IL1RAPL1: variants seen among roughly 807,000 people sequenced by gnomAD.
The protein encoded by IL1RAPL1 is interleukin-1 receptor accessory protein-like 1.
Under a neutral mutation model 48.4 loss-of-function variants are expected in IL1RAPL1, and 3 were observed. The ratio of observed to expected loss-of-function variants is 0.06; its 90% CI spans 0.03 to 0.16. IL1RAPL1 has a LOEUF of 0.16. Among genes scored for constraint, IL1RAPL1 ranks in the 10% least tolerant of loss-of-function variants. The pLI is 1.00. For missense variants in IL1RAPL1, 349 were observed against 530.6 expected (o/e 0.66, Z 3.36); for synonymous variants, 185 against 187.7 (o/e 0.99, Z 0.12).
chrX:29,512,914 A>G (rs180870514), intron 5 of IL1RAPL1, among the ~76,000 whole-genome samples: 5 of 111,971 alleles, frequency 4.5e-5, no homozygotes. Flanking sequence ...GAAATTCTGT[A>G]CTGTTTGTCT....
chrX:29,899,787 A>C (rs1317249390), intron 6 of IL1RAPL1, among the ~76,000 whole-genome samples: 1 of 109,648 alleles, frequency 9.1e-6, no homozygotes, highest in Non-Finnish European at 1.9e-5. Context: ...CAAGTGATCC[A>C]CCCACCTCAA....
At chrX:29,138,763 C>T (rs1909840) in intron 2 of IL1RAPL1, among the ~76,000 whole-genome samples, 19,190 of 91,145 alleles carry the variant, frequency 0.21, 1,896 homozygotes, top group African/African-American at 0.35. Flanking sequence ...GGTGACAGAG[C>T]GAGACTCCAT....
chrX:29,006,470 C>T (rs1245052340), intron 2 of IL1RAPL1, among the ~76,000 whole-genome samples: 2 of 106,219 alleles, frequency 1.9e-5, no homozygotes, highest in African/African-American at 3.5e-5. Context: ...GCTGAGATGG[C>T]GCCATTGCAC....
At chrX:29,521,160 A>G (rs974093487) in intron 5 of IL1RAPL1, among the ~76,000 whole-genome samples, 1 of 112,792 alleles carries the variant, frequency 8.9e-6, no homozygotes, top group Non-Finnish European at 1.9e-5. Context: ...TATTTCTTTC[A>G]AACCTCATCC....
chrX:28,772,617 G>C (rs917188989), intron 1 of IL1RAPL1, among the ~76,000 whole-genome samples: 5 of 111,791 alleles, frequency 4.5e-5, no homozygotes, highest in African/African-American at 1.3e-4. Context: ...GCAGCTAAAG[G>C]GAACTGGATT....
intron 9 of IL1RAPL1, among the ~76,000 whole-genome samples, chrX:29,942,381 G>A (rs976183218): frequency 1.2e-4 from 13 of 110,156 alleles, no homozygotes; most frequent in Non-Finnish European, 1.7e-4. Flanking sequence ...TTTACTGTAC[G>A]TAGACAAATA....
chrX:28,842,190 A>G (rs1359472599), intron 2 of IL1RAPL1, among the ~76,000 whole-genome samples: 1 of 110,802 alleles, frequency 9.0e-6, no homozygotes, highest in African/African-American at 3.3e-5. Flanking sequence ...AAGGATAAAT[A>G]TGTTATGATT....
intron 6 of IL1RAPL1, among the ~76,000 whole-genome samples, chrX:29,834,804 A>T (rs1930957283): frequency 8.9e-6 from 1 of 112,073 alleles, no homozygotes; most frequent in Non-Finnish European, 1.9e-5. Flanking sequence ...AATTTCTGGT[A>T]TATTTATGAT....
At chrX:29,819,474 C>T (rs1415838965) in intron 6 of IL1RAPL1, among the ~76,000 whole-genome samples, 2 of 111,257 alleles carry the variant, frequency 1.8e-5, no homozygotes, top group Non-Finnish European at 3.8e-5. Flanking sequence ...TTCCATTTGC[C>T]TCTCAACTAT....
chrX:29,442,650 G>A (rs1934560991), intron 5 of IL1RAPL1, among the ~76,000 whole-genome samples: 1 of 111,312 alleles, frequency 9.0e-6, no homozygotes, highest in African/African-American at 3.3e-5. Flanking sequence ...AAACCCAGGA[G>A]TTTGAAACCA....
intron 5 of IL1RAPL1, among the ~76,000 whole-genome samples, chrX:29,404,115 G>A (rs1444768814): frequency 8.9e-6 from 1 of 111,762 alleles, no homozygotes; most frequent in Non-Finnish European, 1.9e-5. Flanking sequence ...GTGCTGTGAA[G>A]TTCTATGAGT....
At chrX:29,584,281 C>T (rs1190290646) in intron 5 of IL1RAPL1, among the ~76,000 whole-genome samples, 1 of 111,508 alleles carries the variant, frequency 9.0e-6, no homozygotes, top group African/African-American at 3.3e-5. Flanking sequence ...CATCAATTTT[C>T]TCTTCTCTAC....
At chrX:28,999,025 C>G (rs1031354835) in intron 2 of IL1RAPL1, among the ~76,000 whole-genome samples, 5 of 111,773 alleles carry the variant, frequency 4.5e-5, no homozygotes, top group African/African-American at 1.6e-4. Context: ...CAAGTCCCTA[C>G]AGACATAATG....
chrX:29,873,387 C>CA (rs1231537878), intron 6 of IL1RAPL1, among the ~76,000 whole-genome samples: 1 of 106,780 alleles, frequency 9.4e-6, no homozygotes, highest in Non-Finnish European at 1.9e-5. Context: ...TGCCCCCCCC[C>CA]CAATTATATG....
intron 6 of IL1RAPL1, among the ~76,000 whole-genome samples, chrX:29,770,000 A>T (rs1437930855): frequency 8.9e-6 from 1 of 112,098 alleles, no homozygotes; most frequent in Non-Finnish European, 1.9e-5. Context: ...AAATTTCAAC[A>T]TACAAAGCAT....
At chrX:28,621,244 A>G (rs1409209252) in intron 1 of IL1RAPL1, among the ~76,000 whole-genome samples, 4 of 112,355 alleles carry the variant, frequency 3.6e-5, no homozygotes, top group African/African-American at 1.3e-4. Context: ...CTTCCCCAGT[A>G]CCTAATACAG....
At chrX:28,703,530 G>A (rs763432274) in intron 1 of IL1RAPL1, among the ~76,000 whole-genome samples, 8 of 111,057 alleles carry the variant, frequency 7.2e-5, no homozygotes, top group Non-Finnish European at 1.3e-4. Flanking sequence ...TTTTGTAGGG[G>A]ATGTGCAGTT....
At chrX:29,214,402 GA>G (rs1172739838) in intron 2 of IL1RAPL1, among the ~76,000 whole-genome samples, 1 of 110,622 alleles carries the variant, frequency 9.0e-6, no homozygotes, top group East Asian at 2.8e-4. Context: ...AATATTCCAG[GA>G]AAAAAAATAA....
chrX:29,829,363 A>G (rs1208320474), intron 6 of IL1RAPL1, among the ~76,000 whole-genome samples: 1 of 111,495 alleles, frequency 9.0e-6, no homozygotes, highest in Non-Finnish European at 1.9e-5. Flanking sequence ...TAAGGACTTG[A>G]GGACATGTTT....
Sources: gnomAD v4.1 joint callset for allele counts (sites outside exome capture counted in the v4.1 genomes callset) on GRCh38, gnomAD v4.1.1 for gene constraint, MANE v1.5 for transcripts, NCBI Gene and HGNC (gene_info 2026-07-23, HGNC 2026-07-21) for gene names.